EYS: variants seen among roughly 807,000 people sequenced by gnomAD.
The protein encoded by EYS is protein eyes shut homolog.
In EYS, 250 loss-of-function variants were observed where a neutral mutation model predicts 282.1. The observed-to-expected ratio is 0.89, with a 90% CI of 0.80 to 0.98. The LOEUF is 0.98. Ranked by LOEUF, EYS falls within the 50% of genes least tolerant of loss-of-function variation. EYS has a pLI of 0.00. For missense variants in EYS, 4,016 were observed against 3,709.0 expected (o/e 1.08, Z -2.15); for synonymous variants, 1,355 against 1,282.9 (o/e 1.06, Z -1.20).
chr6:63,924,689 A>C (rs1764667899), intron 35 of EYS, among the ~76,000 whole-genome samples: 1 of 152,198 alleles, frequency 6.6e-6, no homozygotes, highest in Non-Finnish European at 1.5e-5. Context: ...TATGAAGCCA[A>C]GGCCAGATCA....
chr6:63,826,928 A>G (rs1042775986), intron 36 of EYS, among the ~76,000 whole-genome samples: 1 of 152,002 alleles, frequency 6.6e-6, no homozygotes, highest in Non-Finnish European at 1.5e-5. Context: ...GCTACCTCAT[A>G]TTTCAATACT....
intron 29 of EYS, among the ~76,000 whole-genome samples, chr6:64,369,832 G>T (rs565161737): frequency 2.6e-5 from 4 of 151,880 alleles, no homozygotes; most frequent in Non-Finnish European, 5.9e-5. Flanking sequence ...TTTCACCTTG[G>T]ATATTGTTGT....
At chr6:65,643,534 G>A (rs1767350116) in intron 1 of EYS, among the ~76,000 whole-genome samples, 1 of 152,160 alleles carries the variant, frequency 6.6e-6, no homozygotes, top group African/African-American at 2.4e-5. Context: ...TACTTAACCA[G>A]ACATTCCTAG....
chr6:63,845,982 T>A (rs975119514), intron 36 of EYS, among the ~76,000 whole-genome samples: 6 of 152,176 alleles, frequency 3.9e-5, no homozygotes, highest in Admixed American at 2.0e-4. Context: ...ATCCTAAAGA[T>A]GCACTTTTCT....
intron 41 of EYS, among the ~76,000 whole-genome samples, chr6:63,730,202 C>A (rs927324126): frequency 6.6e-6 from 1 of 152,140 alleles, no homozygotes; most frequent in African/African-American, 2.4e-5. Context: ...CATATTTGCC[C>A]CATCTTTCTA....
Position 64,955,586 on chromosome 6 carries a change from A to C in EYS, c.2260-9672T>G, listed in dbSNP as rs573360729. Among the ~76,000 whole-genome samples, 12 of 152,268 alleles carry C rather than the reference A, an allele frequency of 7.9e-5. No individual in the cohort carries two copies. The South Asian group carries it at 1.5e-3, about 18-fold the overall frequency. The stretch of plus-strand genomic sequence containing the variant: ...AGGGATTTATTGTGCAAGCACAATA[A>C]ATCAACTAAATGTCCTGAATATGAC... On this transcript the variant is annotated intron_variant, in intron 14 of 42. Coordinates refer to ENST00000503581, the MANE Select transcript of EYS (RefSeq NM_001142800.2).
In EYS at chr6:64,048,377, A is replaced by G. The variant is rs148693583; in HGVS notation, c.6725+17961T>C. On this transcript the variant is annotated intron_variant, in intron 33 of 42. Transcript: ENST00000503581. The stretch of plus-strand genomic sequence containing the variant: ...TTTCCATTCAGTTGTTTCCGTTGTG[A>G]CTTTGGTTCTGCATGGCTCTGTGCT... 4.6e-3 allele frequency among the ~76,000 whole-genome samples: 694 copies of G among 151,996 alleles called. 5 individuals carry two copies. Among genetic ancestry groups the G allele is most frequent in the African/African-American group, 0.016 (655 of 41,468 alleles).
At chr6:65,238,277 A>C (rs1033980224) in intron 12 of EYS, among the ~76,000 whole-genome samples, 1 of 150,324 alleles carries the variant, frequency 6.7e-6, no homozygotes, top group African/African-American at 2.4e-5. Context: ...TAATATATGT[A>C]ATATTCAAGA....
chr6:63,894,569 TTTTTTTTG>T (rs1041270238), intron 35 of EYS, among the ~76,000 whole-genome samples: 2 of 132,700 alleles, frequency 1.5e-5, no homozygotes, highest in African/African-American at 5.0e-5. Context: ...AATCTGTTGT[TTTTTTTTG>T]TTTGTTTGTT....
At chr6:64,628,896 T>C (rs1767692924) in intron 22 of EYS, among the ~76,000 whole-genome samples, 1 of 152,226 alleles carries the variant, frequency 6.6e-6, no homozygotes, top group South Asian at 2.1e-4. Context: ...AGACTATGTA[T>C]CCAGTTTCCT....
chr6:65,056,449 T>C (rs940914852), intron 13 of EYS, among the ~76,000 whole-genome samples: 31 of 152,040 alleles, frequency 2.0e-4, no homozygotes, highest in Admixed American at 1.6e-3. Flanking sequence ...AAAACTACCC[T>C]GATATGCTGG....
At chr6:65,485,166 C>T (rs1231666113) in intron 5 of EYS, among the ~76,000 whole-genome samples, 1 of 152,144 alleles carries the variant, frequency 6.6e-6, no homozygotes, top group Non-Finnish European at 1.5e-5. Flanking sequence ...TATGTAGTTG[C>T]CCCTAAACTG....
intron 41 of EYS, among the ~76,000 whole-genome samples, chr6:63,737,911 A>G (rs1229334491): frequency 6.6e-6 from 1 of 152,232 alleles, no homozygotes; most frequent in African/African-American, 2.4e-5. Context: ...CAACCCCATC[A>G]AAAAGTGGGT....
intron 2 of EYS, among the ~76,000 whole-genome samples, chr6:65,587,903 A>G (rs906329112): frequency 2.6e-5 from 4 of 152,102 alleles, no homozygotes; most frequent in African/African-American, 9.7e-5. Context: ...CAAGATTTGA[A>G]ATTACTACGC....
chr6:64,399,814 T>C (rs907415980), intron 28 of EYS, among the ~76,000 whole-genome samples: 3 of 151,966 alleles, frequency 2.0e-5, no homozygotes, highest in African/African-American at 7.2e-5. Flanking sequence ...ATATCTCTTA[T>C]ATTTTCTTAT....
chr6:64,857,422 G>T (rs977481780), intron 19 of EYS, among the ~76,000 whole-genome samples: 1 of 151,984 alleles, frequency 6.6e-6, no homozygotes, highest in Non-Finnish European at 1.5e-5. Flanking sequence ...TATTGCAAAC[G>T]ACAGAATTCT....
At chr6:65,443,821 TC>T (rs1768542821) in intron 5 of EYS, among the ~76,000 whole-genome samples, 1 of 151,864 alleles carries the variant, frequency 6.6e-6, no homozygotes, top group Admixed American at 6.6e-5. Context: ...GTAGTAATAT[TC>T]CCTTACTGTT....
At chr6:63,825,533 A>G (rs1173547220) in intron 36 of EYS, among the ~76,000 whole-genome samples, 2 of 152,198 alleles carry the variant, frequency 1.3e-5, no homozygotes, top group African/African-American at 2.4e-5. Flanking sequence ...GCTGGTATCC[A>G]TGGCTGAGAG....
intron 30 of EYS, among the ~76,000 whole-genome samples, chr6:64,305,631 A>G (rs1227697529): frequency 1.3e-5 from 2 of 152,234 alleles, no homozygotes; most frequent in Admixed American, 1.3e-4. Context: ...ATGGGGGAAG[A>G]ATGGTCTGGT....
Sources: allele counts gnomAD v4.1 joint callset (sites outside exome capture counted in the v4.1 genomes callset), GRCh38; gene constraint gnomAD v4.1.1; transcripts MANE v1.5; gene names NCBI Gene and HGNC (gene_info 2026-07-23, HGNC 2026-07-21).